The following TNIP2 variants were observed in gnomAD, a reference collection of about 807,000 sequenced individuals.
TNIP2 encodes the protein TNFAIP3 interacting protein 2, also known as TNFAIP3-interacting protein 2.
TNIP2 carries 30 observed loss-of-function variants against 43.7 expected under a neutral mutation model. The observed-to-expected ratio is 0.69, with a 90% confidence interval of 0.51 to 0.93. The LOEUF (loss-of-function observed/expected upper bound fraction) is 0.93. Ranked by LOEUF, TNIP2 falls within the 40% of genes least tolerant of loss-of-function variation. TNIP2 has a pLI of 0.00. For missense variants in TNIP2, 599 were observed against 591.0 expected, an observed-to-expected ratio of 1.01 and a Z score of -0.14; for synonymous variants, 260 against 254.6, an observed-to-expected ratio of 1.02 and a Z score of -0.20.
chr4:2,753,590 T>C (rs1443011123), intron 1 of TNIP2, among the ~76,000 whole-genome samples: 1 of 152,236 alleles, frequency 6.6e-6, no homozygotes, highest in Non-Finnish European at 1.5e-5. Context: ...AGTGGCCAGA[T>C]ACACAGGACA....
At chr4:2,751,754 C>A (rs767472310) in intron 1 of TNIP2, among the ~76,000 whole-genome samples, 3 of 142,910 alleles carry the variant, frequency 2.1e-5, no homozygotes, top group Non-Finnish European at 4.6e-5. Context: ...GCCTGGGCAA[C>A]AGAGTGACCC....
intron 1 of TNIP2, among the ~76,000 whole-genome samples, chr4:2,755,290 G>A (rs566192400): frequency 6.7e-6 from 1 of 149,990 alleles, no homozygotes; most frequent in South Asian, 2.1e-4. Context: ...AATACACACA[G>A]AATACACACA....
At chr4:2,745,674 G>C in intron 2 of TNIP2, 139 bp from the exon 3 acceptor site, 2 of 671,770 alleles carry the variant, frequency 3.0e-6, no homozygotes, top group Non-Finnish European at 5.3e-6. Flanking sequence ...TGGTAGAGAA[G>C]CAAAGCAGGG....
chr4:2,750,359 T>C (rs1299749576), intron 1 of TNIP2, among the ~76,000 whole-genome samples: 1 of 151,688 alleles, frequency 6.6e-6, no homozygotes, highest in Admixed American at 6.6e-5. Flanking sequence ...CTCATCACAA[T>C]GGAACAAAAT....
intron 1 of TNIP2, among the ~76,000 whole-genome samples, chr4:2,755,604 G>A (rs1184051972): frequency 8.4e-6 from 1 of 118,832 alleles, no homozygotes; most frequent in East Asian, 2.4e-4. Flanking sequence ...CTCAGCCCGT[G>A]GTGTCCCCTT....
chr4:2,755,824 C>T (rs1488245518), intron 1 of TNIP2, 190 bp downstream of exon 1: 2 of 790,918 alleles, frequency 2.5e-6, no homozygotes, highest in Non-Finnish European at 3.5e-6. Flanking sequence ...ACCCCCAGGA[C>T]CCGGCACCCC....
rs528029769 is a variant in TNIP2, at chr4:2,750,684, T to G, written c.277-2739A>C. Among the ~76,000 whole-genome samples, 120 of 151,656 alleles carry G rather than the reference T, an allele frequency of 7.9e-4. 1 individual carries two copies. Among genetic ancestry groups the G allele is most frequent in the Non-Finnish European group, 1.2e-3 (83 of 67,776 alleles). On this transcript the variant is annotated intron_variant, in intron 1 of 5. Transcript: ENST00000315423. ...TGAGCAAAACCTGACTTCTGGTTTT[T>G]TTTTTTTTTGATAAAGACAGGGTGT...
At chr4:2,745,381 A>G (rs1721918578) in intron 3 of TNIP2, 65 bp downstream of exon 3, 1 of 1,267,676 alleles carries the variant, frequency 7.9e-7, no homozygotes, top group African/African-American at 1.5e-5. Context: ...CAGCCAAGGA[A>G]AGAACCCTCA....
At chr4:2,752,114 A>G (rs1722117590) in intron 1 of TNIP2, among the ~76,000 whole-genome samples, 1 of 151,902 alleles carries the variant, frequency 6.6e-6, no homozygotes, top group South Asian at 2.1e-4. Flanking sequence ...AAAAAAAAAA[A>G]AAAGGAACAA....
Position 2,745,453 on chromosome 4 carries a change from A to C in TNIP2, c.650T>G (p.Val217Gly). The change falls in exon 3 of 6, where the codon GTG (valine) becomes GGG (glycine). Residue 217 changes from valine to glycine, a missense_variant. Val to Gly is a moderately radical substitution (Grantham distance 109). Transcript: ENST00000315423. ...QEENRLLKQK[V>G]THVEDLNAKW... ...AATGTGAAAGACACTCACGTGAGTC[A>C]CCTTCTGTTTTAACAGTCGATTTTC... The C allele has an allele frequency of 1.2e-6, 2 of 1,611,374 alleles. No homozygotes were observed. Among genetic ancestry groups the C allele is most frequent in the Non-Finnish European group, 1.7e-6 (2 of 1,177,830 alleles).
Position 2,744,192 on chromosome 4 carries a change from G to A in TNIP2, c.1026+195C>T, listed in dbSNP as rs1446460929. Among the ~76,000 whole-genome samples, 1 of 152,150 alleles carries A rather than the reference G, an allele frequency of 6.6e-6. No individual in the cohort carries two copies. Among genetic ancestry groups the A allele is most frequent in the Non-Finnish European group, 1.5e-5 (1 of 68,028 alleles). On this transcript the variant is annotated intron_variant, in intron 5 of 5. Coordinates refer to ENST00000315423, the MANE Select transcript of TNIP2 (RefSeq NM_024309.4). The surrounding 1 kb of genome is among the most constrained non-coding windows in gnomAD (Gnocchi z 5.1). ...TGCCAGCCTCCTCCATAACTAAACAGTATAACAGGGAGGCTTTCCATGACC... is the reference window on the plus strand; with the variant it reads ...TGCCAGCCTCCTCCATAACTAAACAATATAACAGGGAGGCTTTCCATGACC...
At chr4:2,743,866 G>T (rs1474874101) in intron 5 of TNIP2, among the ~76,000 whole-genome samples, 1 of 152,210 alleles carries the variant, frequency 6.6e-6, no homozygotes, top group Non-Finnish European at 1.5e-5. Flanking sequence ...AACTTCATCG[G>T]TTCCCATTCA....
In TNIP2 at chr4:2,744,754, C is replaced by T. The variant is rs142078695; in HGVS notation, c.849G>A (p.Ala283=). The change falls in exon 4 of 6, where the codon GCG becomes GCA. Residue 283 remains alanine, a synonymous_variant. Transcript: ENST00000315423. The surrounding 1 kb of genome is among the most constrained non-coding windows in gnomAD (Gnocchi z 5.1). The part of the protein sequence containing the change: ...NDCAEVKQEL[A]ASRTARDAAL... ...CAGCATCCCGGGCCGTCCTGGAGGC[C>T]GCCAGCTCCTGCTTCACTTCGGCAC... 1.0e-3 allele frequency: 1,632 copies of T among 1,609,194 alleles called. 27 individuals are homozygous for T. The East Asian group carries it at 0.017, about 17-fold the overall frequency.
At chr4:2,742,579 C>T (rs1218156853) in intron 5 of TNIP2, 59 bp from the exon 6 acceptor site, 2 of 1,444,700 alleles carry the variant, frequency 1.4e-6, no homozygotes, top group Non-Finnish European at 1.8e-6. Context: ...AAAGCCAGGT[C>T]TCAGGTTCCA....
At chr4:2,747,607 C>A in intron 2 of TNIP2, 48 bp downstream of exon 2, 2 of 1,556,030 alleles carry the variant, frequency 1.3e-6, no homozygotes, top group South Asian at 1.2e-5. Context: ...AGGCGATGCT[C>A]CCAGCACACA....
chr4:2,755,047 C>T (rs1358337445), intron 1 of TNIP2, among the ~76,000 whole-genome samples: 2 of 152,110 alleles, frequency 1.3e-5, no homozygotes, highest in African/African-American at 4.8e-5. Context: ...CTTTATCAGA[C>T]ACGGGCTGCA....
At chr4:2,749,038 G>A (rs560062272) in intron 1 of TNIP2, among the ~76,000 whole-genome samples, 13 of 150,808 alleles carry the variant, frequency 8.6e-5, no homozygotes, top group African/African-American at 1.7e-4. Flanking sequence ...AGATCCACCC[G>A]CCTTGGCTTC....
Position 2,744,314 on chromosome 4 carries a change from A to G in TNIP2, c.1026+73T>C. The G allele has an allele frequency of 6.3e-7, 1 of 1,586,930 alleles. No homozygotes were observed. The highest frequency in any genetic ancestry group is 8.6e-7 in the Non-Finnish European group (1 of 1,161,364). The stretch of plus-strand genomic sequence containing the variant: ...AATCAGGGCCTTGGCAGACACAGAA[A>G]GGCTCTAATCTCATGAGAAGAGAAA... On this transcript the variant is annotated intron_variant, in intron 5 of 5. Transcript: ENST00000315423. This position sits in a 1 kb window ranked among gnomAD's most constrained non-coding sequence, Gnocchi z 5.1.
chr4:2,751,756 G>A (rs1173975944), intron 1 of TNIP2, among the ~76,000 whole-genome samples: 1 of 146,836 alleles, frequency 6.8e-6, no homozygotes, highest in Non-Finnish European at 1.5e-5. Context: ...CTGGGCAACA[G>A]AGTGACCCTG....
Sources: gnomAD v4.1 joint callset for allele counts (sites outside exome capture counted in the v4.1 genomes callset) on GRCh38, gnomAD v4.1.1 for gene constraint, Gnocchi (gnomAD v3.1) non-coding constraint, MANE v1.5 for transcripts, NCBI Gene and HGNC (gene_info 2026-07-23, HGNC 2026-07-21) for gene names.